Variants in RGL2 observed in about 807,000 individuals in gnomAD.
RGL2 encodes the protein ral guanine nucleotide dissociation stimulator like 2, also known as ral guanine nucleotide dissociation stimulator-like 2.
RGL2 carries 40 observed loss-of-function variants against 84.6 expected under a neutral mutation model. That is an observed-to-expected ratio of 0.47 (90% confidence interval 0.37 to 0.62). RGL2 has a LOEUF of 0.62. RGL2 is among the 20% of genes least tolerant of loss of function. The probability of loss-of-function intolerance (pLI) is 0.00; values close to 1 mark genes in which losing one functional copy is unlikely to be tolerated. For missense variants in RGL2, 865 were observed against 1,019.7 expected, an observed-to-expected ratio of 0.85 and a Z score of 2.07; for synonymous variants, 369 against 417.3, an observed-to-expected ratio of 0.88 and a Z score of 1.41.
Position 33,295,865 on chromosome 6 carries a change from G to A in RGL2, c.769-106C>T. 6.9e-7 allele frequency: 1 copy of A among 1,459,588 alleles called. No individual in the cohort carries two copies. Among genetic ancestry groups the A allele is most frequent in the Non-Finnish European group, 9.4e-7 (1 of 1,062,366 alleles). The allele number at this position is 1,459,588 out of a possible 1,614,324, so 90.4% of individuals were successfully genotyped here. On this transcript the variant is annotated intron_variant, in intron 6 of 17. Coordinates refer to ENST00000497454, the MANE Select transcript of RGL2 (RefSeq NM_004761.5). This position sits in a 1 kb window ranked among gnomAD's most constrained non-coding sequence, Gnocchi z 7.2. ...TGGCCAAGGAACCAGAGGGGCACAG[G>A]GTTTGAAGGGTAACGACCAAAGGGA...
At position 33,297,133 on chromosome 6, in the gene RGL2, G is replaced by A; in HGVS notation, c.157-18C>T. The A allele has an allele frequency of 1.3e-6, 2 of 1,536,180 alleles. No individual in the cohort carries two copies. The highest frequency in any genetic ancestry group is 1.7e-6 in the Non-Finnish European group (2 of 1,146,048). The stretch of plus-strand genomic sequence containing the variant: ...ACAGGGGCCTGGAGGAGCAAGGAAG[G>A]GGAAGTCAGACAGTTCCACACCACC... On this transcript the variant is annotated intron_variant, in intron 2 of 17. Transcript: ENST00000497454. This position sits in a 1 kb window ranked among gnomAD's most constrained non-coding sequence, Gnocchi z 4.0.
Position 33,296,272 on chromosome 6 carries a change from C to T in RGL2, c.524G>A (p.Gly175Asp). The T allele has an allele frequency of 6.2e-7, 1 of 1,613,822 alleles. No individual in the cohort carries two copies. Among genetic ancestry groups the T allele is most frequent in the Non-Finnish European group, 8.5e-7 (1 of 1,179,792 alleles). The change falls in exon 6 of 18, where the codon GGC becomes GAC. Residue 175 changes from glycine to aspartate, a missense_variant. Physicochemically the swap from Gly to Asp is moderately conservative, Grantham distance 94. Around this residue, in one of 5 missense-constraint regions of RGL2, gnomAD observed 455 missense variants for 507.8 expected, o/e 0.90. Transcript: ENST00000497454. The surrounding 1 kb of genome is among the most constrained non-coding windows in gnomAD (Gnocchi z 5.0). The stretch of plus-strand genomic sequence containing the variant: ...GTCAAGCTGACCCTTGGCCTCAGAG[C>T]CAAAATCCTCAGGGTGAGAGGCCAG... ...TWLASHPEDFGSEAKGQLDRL... is the reference protein window; with the variant it reads ...TWLASHPEDFDSEAKGQLDRL...
In RGL2 at chr6:33,293,426, G is replaced by C; in HGVS notation, c.1703C>G (p.Thr568Ser). The change falls in exon 15 of 18, where the codon ACT (threonine) becomes AGT (serine). Residue 568 changes from threonine (T) to serine (S), a missense_variant. Transcript: ENST00000497454. This position sits in a 1 kb window ranked among gnomAD's most constrained non-coding sequence, Gnocchi z 7.0. Reference protein sequence around the residue: ...EAPTTPAPLLTRLAQHMKWPS... With the variant: ...EAPTTPAPLLSRLAQHMKWPS... ...AGCAGAGCTCACCTGGGCCAGCCGA[G>C]TCAGCAGAGGAGCAGGAGTTGTAGG... The C allele has an allele frequency of 6.2e-7, 1 of 1,613,926 alleles. No homozygotes were observed. Among genetic ancestry groups the C allele is most frequent in the Non-Finnish European group, 8.5e-7 (1 of 1,179,890 alleles).
chr6:33,291,791 TTTGC>T lies in RGL2; in HGVS notation c.*307_*310del. On this transcript the variant is annotated 3_prime_UTR_variant, in exon 18 of 18. Coordinates refer to ENST00000497454, the MANE Select transcript of RGL2 (RefSeq NM_004761.5). ...CCCTGGGGCTCAGAGCCTTGAAGCC[TTTGC>T]TTGGCCCTTGCATGTTAGGATATGG... 1 of 540,720 alleles carries T rather than the reference TTTGC, an allele frequency of 1.8e-6. No individual in the cohort carries two copies. The highest frequency in any genetic ancestry group is 3.3e-6 in the Non-Finnish European group (1 of 304,608). 33.5% of individuals were successfully genotyped at this position (540,720 alleles called of 1,614,324 possible).
upstream of RGL2, chr6:33,299,692 C>T (rs1768399568): frequency 6.6e-6 from 1 of 152,250 alleles, no homozygotes; most frequent in African/African-American, 2.4e-5. This position sits in a 1 kb window ranked among gnomAD's most constrained non-coding sequence, Gnocchi z 5.0. Flanking sequence ...ATGAGAGAAC[C>T]GTTTGGAAGC....
Position 33,292,127 on chromosome 6 carries a change from C to T in RGL2, c.2309G>A (p.Arg770Lys). ...GSFPRIKATGRKIARALF is the reference protein window; with the variant it reads ...GSFPRIKATGKKIARALF ...TCAGAACAGTGCCCGTGCAATCTTC[C>T]TCCCTGTGGCCTTGATCCTGGGAAA... The change falls in exon 18 of 18, where the codon AGG becomes AAG. Residue 770 changes from arginine to lysine, a missense_variant. Physicochemically the swap from Arg to Lys is conservative, Grantham distance 26. This residue lies in a region of RGL2 where 302 missense variants were observed against 327.9 expected (regional missense o/e 0.92). Transcript: ENST00000497454. 6.2e-7 allele frequency: 1 copy of T among 1,614,196 alleles called. No homozygotes were observed. Among genetic ancestry groups the T allele is most frequent in the South Asian group, 1.1e-5 (1 of 91,088 alleles).
chr6:33,295,567 G>A lies in RGL2; in HGVS notation c.961C>T (p.Arg321Trp), dbSNP rs769736251. The A allele has an allele frequency of 1.6e-5, 26 of 1,613,814 alleles. No individual in the cohort carries two copies. Among genetic ancestry groups the A allele is most frequent in the Middle Eastern group, 1.6e-4 (1 of 6,084 alleles). Residue 321 changes from arginine (R) to tryptophan (W), a missense_variant, in exon 7 of 18, where the codon CGG (arginine) becomes TGG (tryptophan). Around this residue, in one of 5 missense-constraint regions of RGL2, gnomAD observed 455 missense variants for 507.8 expected, o/e 0.90. Transcript: ENST00000497454. The surrounding 1 kb of genome is among the most constrained non-coding windows in gnomAD (Gnocchi z 7.2). ...TGEGPGEVTIRPLRPPQRARL... is the reference protein window; with the variant it reads ...TGEGPGEVTIWPLRPPQRARL... ...GCCCTCTGTGGGGGACGGAGTGGCC[G>A]TATGGTCACCTCCCCAGGTCCCTCT...
chr6:33,294,844 C>T lies in RGL2; in HGVS notation c.1279-82G>A, dbSNP rs1767781771. The T allele has an allele frequency of 1.3e-6, 2 of 1,522,174 alleles. No homozygotes were observed. Among genetic ancestry groups the T allele is most frequent in the Admixed American group, 3.8e-5 (2 of 53,244 alleles). The allele number at this position is 1,522,174 out of a possible 1,614,324, so 94.3% of individuals were successfully genotyped here. ...CCTCCGCACTTGCCCTCCTCATTGC[C>T]TCAGAGAACAGATTTCATTCTCCTC... is the stretch of plus-strand genomic sequence containing the variant. On this transcript the variant is annotated intron_variant, in intron 10 of 17. Coordinates refer to ENST00000497454, the MANE Select transcript of RGL2 (RefSeq NM_004761.5). This position sits in a 1 kb window ranked among gnomAD's most constrained non-coding sequence, Gnocchi z 5.0.
At position 33,292,103 on chromosome 6, in the gene RGL2, CA is replaced by C; in HGVS notation, c.2332del (p.Ter778GlufsTer19). On this transcript the variant is annotated frameshift_variant and stop_lost, in exon 18 of 18. Transcript: ENST00000497454. LOFTEE classifies it high-confidence loss of function. ...TGRKIARALF* is the reference protein window; with the variant it reads ...TGRKIARALFX ...CTGTAAGCCAACGGGGCTTCCTCCT[CA>C]GAACAGTGCCCGTGCAATCTTCCTC... is the stretch of plus-strand genomic sequence containing the variant. 6.2e-7 allele frequency: 1 copy of C among 1,614,170 alleles called. No individual in the cohort carries two copies. The highest frequency in any genetic ancestry group is 8.5e-7 in the Non-Finnish European group (1 of 1,180,026).
In RGL2 at chr6:33,291,984, G is replaced by T; in HGVS notation, c.*118C>A. ...AACCAGTGGCACTTCACTGCCCCAG[G>T]GTGGCTGGCTCCCTTTCTGAATTTC... On this transcript the variant is annotated 3_prime_UTR_variant, in exon 18 of 18. Coordinates refer to ENST00000497454, the MANE Select transcript of RGL2 (RefSeq NM_004761.5). 9.1e-7 allele frequency: 1 copy of T among 1,093,336 alleles called. No homozygotes were observed. The highest frequency in any genetic ancestry group is 1.4e-6 in the Non-Finnish European group (1 of 739,388). The allele number at this position is 1,093,336 out of a possible 1,614,324, so 67.7% of individuals were successfully genotyped here. A position where few individuals can be genotyped will look rare whatever the true frequency, so the allele number is the denominator to read the frequency against.
In RGL2 at chr6:33,298,488, C is replaced by T; in HGVS notation, c.123G>A (p.Gly41=). 6.6e-7 allele frequency: 1 copy of T among 1,522,614 alleles called. No homozygotes were observed. The highest frequency in any genetic ancestry group is 8.9e-7 in the Non-Finnish European group (1 of 1,127,632). The allele number at this position is 1,522,614 out of a possible 1,614,324, so 94.3% of individuals were successfully genotyped here. Residue 41 remains glycine (G), a synonymous_variant, in exon 2 of 18, where the codon GGG becomes GGA. Coordinates refer to ENST00000497454, the MANE Select transcript of RGL2 (RefSeq NM_004761.5). This position sits in a 1 kb window ranked among gnomAD's most constrained non-coding sequence, Gnocchi z 4.8. ...GGGPGGLVVG[G]GQEEEEEEEE... is the part of the protein sequence containing the mutation. ...CTTCCTCCTCCTCTTCCTCCTGCCCCCCGCCCACGACCAGGCCACCTGGGC... is the reference window on the plus strand; with the variant it reads ...CTTCCTCCTCCTCTTCCTCCTGCCCTCCGCCCACGACCAGGCCACCTGGGC...
At chr6:33,299,389 G>C (rs1768345631), upstream of RGL2, 1 of 152,148 alleles carries the variant, frequency 6.6e-6, no homozygotes, top group South Asian at 2.1e-4. This position sits in a 1 kb window ranked among gnomAD's most constrained non-coding sequence, Gnocchi z 5.0. Context: ...CCGAAATCCC[G>C]GCCGGGTTTT....
Position 33,292,080 on chromosome 6 carries a change from G to A in RGL2, c.*22C>T. On this transcript the variant is annotated 3_prime_UTR_variant, in exon 18 of 18. Coordinates refer to ENST00000497454, the MANE Select transcript of RGL2 (RefSeq NM_004761.5). ...ATCTGGTATGAACACCATGACTTCT[G>A]TAAGCCAACGGGGCTTCCTCCTCAG... 3 of 1,613,442 alleles carry A rather than the reference G, an allele frequency of 1.9e-6. No individual in the cohort carries two copies. The highest frequency in any genetic ancestry group is 2.5e-6 in the Non-Finnish European group (3 of 1,179,506).
chr6:33,293,424 G>T lies in RGL2; in HGVS notation c.1705C>A (p.Arg569=), dbSNP rs368647920. ...APTTPAPLLT[R]LAQHMKWPSV... is the part of the protein sequence containing the mutation. ...GGAGCAGAGCTCACCTGGGCCAGCCGAGTCAGCAGAGGAGCAGGAGTTGTA... is the reference window on the plus strand; with the variant it reads ...GGAGCAGAGCTCACCTGGGCCAGCCTAGTCAGCAGAGGAGCAGGAGTTGTA... Residue 569 remains arginine (R), a synonymous_variant, in exon 15 of 18, where the codon CGG becomes AGG. Coordinates refer to ENST00000497454, the MANE Select transcript of RGL2 (RefSeq NM_004761.5). This position sits in a 1 kb window ranked among gnomAD's most constrained non-coding sequence, Gnocchi z 7.0. The T allele has an allele frequency of 9.7e-5, 157 of 1,613,844 alleles. No homozygotes were observed. The highest frequency in any genetic ancestry group is 1.3e-4 in the Non-Finnish European group (153 of 1,179,852).
Position 33,295,810 on chromosome 6 carries a change from T to G in RGL2, c.769-51A>C. ...AGTTCATAGTCAAGTGAGGTCAGCC[T>G]TCCAATATCAGGGATCTGAGGATCT... On this transcript the variant is annotated intron_variant, in intron 6 of 17. Transcript: ENST00000497454. This position sits in a 1 kb window ranked among gnomAD's most constrained non-coding sequence, Gnocchi z 7.2. The G allele has an allele frequency of 5.1e-6, 8 of 1,577,592 alleles. No individual in the cohort carries two copies. The highest frequency in any genetic ancestry group is 6.9e-6 in the Non-Finnish European group (8 of 1,156,020).
Position 33,295,936 on chromosome 6 carries a change from T to C in RGL2, c.768+92A>G. On this transcript the variant is annotated intron_variant, in intron 6 of 17. Transcript: ENST00000497454. This position sits in a 1 kb window ranked among gnomAD's most constrained non-coding sequence, Gnocchi z 7.2. ...TAGGTGGAGGAGGCTAGGAGCTGGA[T>C]CAGGAAGGGGTGGAAGCAAGGAAAG... The C allele has an allele frequency of 6.6e-7, 1 of 1,518,860 alleles. No individual in the cohort carries two copies. Among genetic ancestry groups the C allele is most frequent in the Non-Finnish European group, 9.0e-7 (1 of 1,106,620 alleles). The allele number at this position is 1,518,860 out of a possible 1,614,324, so 94.1% of individuals were successfully genotyped here.
At chr6:33,299,419 C>A (rs1768349336), upstream of RGL2, 1 of 152,128 alleles carries the variant, frequency 6.6e-6, no homozygotes, top group Non-Finnish European at 1.5e-5. The surrounding 1 kb of genome is among the most constrained non-coding windows in gnomAD (Gnocchi z 5.0). Flanking sequence ...CCTCGATTCC[C>A]GCCCCCTCGG....
In RGL2 at chr6:33,291,907, T is replaced by G. The variant is rs1767425854; in HGVS notation, c.*195A>C. 1 of 625,976 alleles carries G rather than the reference T, an allele frequency of 1.6e-6. No homozygotes were observed. The highest frequency in any genetic ancestry group is 2.8e-5 in the Admixed American group (1 of 35,708). The allele number at this position is 625,976 out of a possible 1,614,324, so 38.8% of individuals were successfully genotyped here. A position where few individuals can be genotyped will look rare whatever the true frequency, so the allele number is the denominator to read the frequency against. On this transcript the variant is annotated 3_prime_UTR_variant, in exon 18 of 18. Coordinates refer to ENST00000497454, the MANE Select transcript of RGL2 (RefSeq NM_004761.5). ...GGGAAGCTATACACAGGTATCCAAC[T>G]TGGTTATAAGACACCAGTTCCCACA...
Position 33,296,901 on chromosome 6 carries a change from C to T in RGL2, c.241-125G>A, listed in dbSNP as rs1242707341. 1 of 1,500,916 alleles carries T rather than the reference C, an allele frequency of 6.7e-7. No individual in the cohort carries two copies. Among genetic ancestry groups the T allele is most frequent in the South Asian group, 1.1e-5 (1 of 88,390 alleles). The allele number at this position is 1,500,916 out of a possible 1,614,324, so 93.0% of individuals were successfully genotyped here. A position where few individuals can be genotyped will look rare whatever the true frequency, so the allele number is the denominator to read the frequency against. On this transcript the variant is annotated intron_variant, in intron 3 of 17. Transcript: ENST00000497454. This position sits in a 1 kb window ranked among gnomAD's most constrained non-coding sequence, Gnocchi z 5.0. ...TCTGATATTCAGAGAGGGCAAGAGT[C>T]TTGGCCTATGTCACACAGCAGAGTC...
Sources: allele counts gnomAD v4.1 joint callset, GRCh38; gene constraint gnomAD v4.1.1; regional missense constraint gnomAD v4.1.1; non-coding constraint Gnocchi (gnomAD v3.1); transcripts MANE v1.5; gene names NCBI Gene and HGNC (gene_info 2026-07-23, HGNC 2026-07-21).